The following FAIM2 variants were observed in gnomAD, a reference collection of about 807,000 sequenced individuals.
FAIM2 encodes Fas apoptotic inhibitory molecule 2.
In FAIM2, 27 loss-of-function variants were observed where a neutral mutation model predicts 47.4. The ratio of observed to expected loss-of-function variants is 0.57; its 90% CI spans 0.42 to 0.78. FAIM2 has a LOEUF of 0.78. Ranked by LOEUF, FAIM2 falls within the 30% of genes least tolerant of loss-of-function variation. The pLI is 0.00. For synonymous variants in FAIM2, 156 were observed against 159.3 expected (o/e 0.98, Z 0.16); for missense variants, 311 against 389.4 (o/e 0.80, Z 1.69).
In FAIM2 at chr12:49,887,532, C is replaced by T. The variant is rs946622244; in HGVS notation, c.748-93G>A. 1.0e-4 allele frequency: 112 copies of T among 1,097,408 alleles called. 2 individuals are homozygous for T. Among genetic ancestry groups the T allele is most frequent in the South Asian group, 5.4e-5 (4 of 74,462 alleles). 68.0% of individuals were successfully genotyped at this position (1,097,408 alleles called of 1,614,324 possible). ...GGTTCAGTCCAGAGAATGGAGGACA[C>T]GGGGTAGCCCTGCCCAGAGCTCCCT... On this transcript the variant is annotated intron_variant, in intron 10 of 11. Coordinates refer to ENST00000320634, the MANE Select transcript of FAIM2 (RefSeq NM_012306.4).
chr12:49,895,856 G>A (rs1380934101), intron 5 of FAIM2, among the ~76,000 whole-genome samples: 1 of 152,176 alleles, frequency 6.6e-6, no homozygotes, highest in Admixed American at 6.5e-5. Flanking sequence ...TAAGCTCCTT[G>A]GCCAGGCAGT....
At chr12:49,903,224 C>T (rs1348459762) in intron 1 of FAIM2, among the ~76,000 whole-genome samples, 1 of 152,228 alleles carries the variant, frequency 6.6e-6, no homozygotes, top group Non-Finnish European at 1.5e-5. Flanking sequence ...AAAACCAAAA[C>T]AACAATTAGA....
chr12:49,875,070 G>A (rs1327636009), intron 11 of FAIM2, among the ~76,000 whole-genome samples: 1 of 152,026 alleles, frequency 6.6e-6, no homozygotes, highest in Non-Finnish European at 1.5e-5. Context: ...AAGCAGTGAG[G>A]GACACGATCA....
chr12:49,875,772 C>T (rs550181691), intron 11 of FAIM2, among the ~76,000 whole-genome samples: 33 of 152,182 alleles, frequency 2.2e-4, no homozygotes, highest in South Asian at 8.3e-4. Context: ...GTCAGGAGTT[C>T]GAGACCAGCC....
rs776198076 is a variant in FAIM2 at position 49,879,790 on chromosome 12, GTA to G, written c.801+7594_801+7595del. On this transcript the variant is annotated intron_variant, in intron 11 of 11. Transcript: ENST00000320634. ...CACGTGTGTATATATGTGCATGTGT[GTA>G]TGTGTGCATACGACTGTGTATGTGC... 4.6e-3 allele frequency among the ~76,000 whole-genome samples: 693 copies of G among 151,834 alleles called. 3 individuals are homozygous for G. Among genetic ancestry groups the G allele is most frequent in the East Asian group, 6.8e-3 (35 of 5,158 alleles).
chr12:49,880,900 G>GTCTC (rs1555158757), intron 11 of FAIM2, among the ~76,000 whole-genome samples: 6 of 151,930 alleles, frequency 3.9e-5, no homozygotes, highest in South Asian at 2.1e-4. Context: ...GTGTGTGTGT[G>GTCTC]TCTCTCTGGA....
intron 11 of FAIM2, among the ~76,000 whole-genome samples, chr12:49,882,729 C>T (rs907297187): frequency 1.3e-5 from 2 of 152,162 alleles, no homozygotes; most frequent in African/African-American, 4.8e-5. Flanking sequence ...ATTGTACCTC[C>T]GTGGGCCTGG....
intron 1 of FAIM2, 159 bp from the exon 2 acceptor site, chr12:49,901,484 C>A (rs943081436): frequency 3.5e-6 from 2 of 576,924 alleles, no homozygotes; most frequent in South Asian, 2.6e-5. Context: ...ATTTTATAGA[C>A]AAGAGAACTA....
chr12:49,898,383 T>C (rs956075748), intron 2 of FAIM2, among the ~76,000 whole-genome samples: 2 of 152,240 alleles, frequency 1.3e-5, no homozygotes, highest in Non-Finnish European at 2.9e-5. Context: ...GCCATACGAA[T>C]GTGAATCTCC....
At position 49,889,087 on chromosome 12, in the gene FAIM2, TG is replaced by T. The variant is rs761017625; in HGVS notation, c.747+19del. On this transcript the variant is annotated intron_variant, in intron 10 of 11. Coordinates refer to ENST00000320634, the MANE Select transcript of FAIM2 (RefSeq NM_012306.4). ...GCCCCTCCCTCCCCATGGGGCCTGC[TG>T]GGGGACCCAGAGACTCACATATTGG... The T allele has an allele frequency of 1.3e-6, 2 of 1,584,316 alleles. No individual in the cohort carries two copies. Among genetic ancestry groups the T allele is most frequent in the Non-Finnish European group, 1.7e-6 (2 of 1,159,798 alleles).
At position 49,870,338 on chromosome 12, in the gene FAIM2, C is replaced by T. The variant is rs550990096; in HGVS notation, c.*166G>A. ...CCTCAGTTCCTCAGGGTCCCCATGG[C>T]GTATGTACAAGCGGCAGAGGGCTGG... is the stretch of plus-strand genomic sequence containing the variant. On this transcript the variant is annotated 3_prime_UTR_variant, in exon 12 of 12. Transcript: ENST00000320634. 3.7e-5 allele frequency: 23 copies of T among 625,850 alleles called. No individual in the cohort carries two copies. The highest frequency in any genetic ancestry group is 1.2e-4 in the Admixed American group (4 of 34,640). The allele number at this position is 625,850 out of a possible 1,614,324, so 38.8% of individuals were successfully genotyped here.
At chr12:49,884,746 G>A (rs1296837062) in intron 11 of FAIM2, among the ~76,000 whole-genome samples, 6 of 152,194 alleles carry the variant, frequency 3.9e-5, no homozygotes, top group Non-Finnish European at 8.8e-5. Flanking sequence ...AGGCCAAGGC[G>A]GGCGGATCAC....
chr12:49,872,549 G>A (rs985063197), intron 11 of FAIM2, among the ~76,000 whole-genome samples: 8 of 152,162 alleles, frequency 5.3e-5, no homozygotes, highest in Admixed American at 2.6e-4. Flanking sequence ...TGCTATAGAC[G>A]CAGCCCTGTA....
chr12:49,880,374 ATGTG>A (rs143191067), intron 11 of FAIM2, among the ~76,000 whole-genome samples: 191 of 144,272 alleles, frequency 1.3e-3, no homozygotes, highest in Admixed American at 3.5e-3. Flanking sequence ...GTGCATGTGT[ATGTG>A]TGTCTATGTG....
At chr12:49,879,404 G>A (rs999789502) in intron 11 of FAIM2, among the ~76,000 whole-genome samples, 8 of 151,584 alleles carry the variant, frequency 5.3e-5, no homozygotes, top group Non-Finnish European at 1.2e-4. Flanking sequence ...GTGTCCATGT[G>A]AGTGTGCATG....
chr12:49,874,203 A>G lies in FAIM2; in HGVS notation c.802-3550T>C, dbSNP rs74320484. Among the ~76,000 whole-genome samples the G allele has an allele frequency of 8.7e-3, 1,325 of 152,320 alleles. 18 individuals are homozygous for G. Among genetic ancestry groups the G allele is most frequent in the African/African-American group, 0.03 (1,245 of 41,564 alleles). ...ACAGGAGACTCTGCAGGAGGAGCACATGGGATGGGGCAGGAGGCCCCCTGG... is the reference window on the plus strand; with the variant it reads ...ACAGGAGACTCTGCAGGAGGAGCACGTGGGATGGGGCAGGAGGCCCCCTGG... On this transcript the variant is annotated intron_variant, in intron 11 of 11. Coordinates refer to ENST00000320634, the MANE Select transcript of FAIM2 (RefSeq NM_012306.4). The surrounding 1 kb of genome is among the most constrained non-coding windows in gnomAD (Gnocchi z 4.2).
Position 49,869,519 on chromosome 12 carries a change from G to A in FAIM2, c.*985C>T, listed in dbSNP as rs1946687061. On this transcript the variant is annotated 3_prime_UTR_variant, in exon 12 of 12. Coordinates refer to ENST00000320634, the MANE Select transcript of FAIM2 (RefSeq NM_012306.4). Reference sequence around the variant, plus strand: ...CAGAAGGGACTCCCACACAGCCTCGGGTTAGGGCTGAGGCAGAGCAGGGAC... The same window carrying A: ...CAGAAGGGACTCCCACACAGCCTCGAGTTAGGGCTGAGGCAGAGCAGGGAC... 6.6e-6 allele frequency: 1 copy of A among 152,428 alleles called. No homozygotes were observed. Among genetic ancestry groups the A allele is most frequent in the South Asian group, 2.1e-4 (1 of 4,834 alleles). The allele number at this position is 152,428 out of a possible 1,614,324, so 9.4% of individuals were successfully genotyped here.
chr12:49,897,031 T>C lies in FAIM2; in HGVS notation c.434A>G (p.Tyr145Cys). 2 of 1,611,938 alleles carry C rather than the reference T, an allele frequency of 1.2e-6. No homozygotes were observed. The highest frequency in any genetic ancestry group is 8.5e-7 in the Non-Finnish European group (1 of 1,178,034). ...GGACTGGGGACTGAGATATACTCACTAGGATGCCCAGTACCAGCCTGGGTT... is the reference window on the plus strand; with the variant it reads ...GGACTGGGGACTGAGATATACTCACCAGGATGCCCAGTACCAGCCTGGGTT... ...QANPGWYWAS[Y>C]AVFFATYLTL... The change falls in exon 5 of 12, where the codon TAT becomes TGT. Residue 145 changes from tyrosine to cysteine, a missense_variant and splice_region_variant. By Grantham distance (194) the Tyr-to-Cys change is radical. Coordinates refer to ENST00000320634, the MANE Select transcript of FAIM2 (RefSeq NM_012306.4).
chr12:49,888,671 G>A (rs918669786), intron 10 of FAIM2, among the ~76,000 whole-genome samples: 6 of 152,132 alleles, frequency 3.9e-5, no homozygotes, highest in Non-Finnish European at 8.8e-5. Context: ...GCTGCCCCAC[G>A]TCCCGCCTGC....
Sources: allele counts gnomAD v4.1 joint callset (sites outside exome capture counted in the v4.1 genomes callset), GRCh38; gene constraint gnomAD v4.1.1; non-coding constraint Gnocchi (gnomAD v3.1); transcripts MANE v1.5; gene names NCBI Gene and HGNC (gene_info 2026-07-23, HGNC 2026-07-21).